ITGB4: variants seen among roughly 807,000 people sequenced by gnomAD.
ITGB4 encodes the protein integrin beta-4.
ITGB4 carries 159 observed loss-of-function variants against 207.6 expected under a neutral mutation model. The observed-to-expected ratio is 0.77, with a 90% CI of 0.67 to 0.87. ITGB4 has a LOEUF of 0.87. Ranked by LOEUF, ITGB4 falls within the 40% of genes least tolerant of loss-of-function variation. The probability of loss-of-function intolerance (pLI) is 0.00; values close to 1 mark genes in which losing one functional copy is unlikely to be tolerated. For missense variants in ITGB4, 2,278 were observed against 2,546.8 expected (o/e 0.89, Z 2.27); for synonymous variants, 1,020 against 1,062.7 (o/e 0.96, Z 0.78).
chr17:75,739,900 G>A lies in ITGB4; in HGVS notation c.2275G>A (p.Glu759Lys). The A allele has an allele frequency of 1.2e-6, 2 of 1,613,574 alleles. No individual in the cohort carries two copies. Among genetic ancestry groups the A allele is most frequent in the Non-Finnish European group, 1.7e-6 (2 of 1,180,028 alleles). ...TGCAGGTCACATGGTGGGCTTTAAG[G>A]AAGACCACTACATGCTGCGGGAGAA... ...CNRGHMVGFK[E>K]DHYMLRENLM... The change falls in exon 20 of 40, where the codon GAA becomes AAA. Residue 759 changes from glutamate to lysine, a missense_variant. Glu to Lys is a moderately conservative substitution (Grantham distance 56). Coordinates refer to ENST00000200181, the MANE Select transcript of ITGB4 (RefSeq NM_000213.5). This position sits in a 1 kb window ranked among gnomAD's most constrained non-coding sequence, Gnocchi z 5.4.
Position 75,741,150 on chromosome 17 carries a change from G to A in ITGB4, c.2633+145G>A, listed in dbSNP as rs1277775639. ...GTCCGTCAGGTTCGGACCTTCATTC[G>A]TTCCTTTGACCATTTCTTCAACAAA... On this transcript the variant is annotated intron_variant, in intron 23 of 39. Transcript: ENST00000200181. 15 of 910,942 alleles carry A rather than the reference G, an allele frequency of 1.6e-5. No homozygotes were observed. The East Asian group carries it at 3.2e-4, about 19-fold the overall frequency. The allele number at this position is 910,942 out of a possible 1,614,324, so 56.4% of individuals were successfully genotyped here. A position where few individuals can be genotyped will look rare whatever the true frequency, so the allele number is the denominator to read the frequency against.
intron 27 of ITGB4, among the ~76,000 whole-genome samples, chr17:75,749,851 T>A (rs2061325899): frequency 6.6e-6 from 1 of 152,168 alleles, no homozygotes; most frequent in South Asian, 2.1e-4. Flanking sequence ...GAATGTTCCC[T>A]GAGCTGCCAA....
In ITGB4 at chr17:75,754,793, C is replaced by T. The variant is rs779094910; in HGVS notation, c.4536C>T (p.Thr1512=). Residue 1512 remains threonine (T), a synonymous_variant, in exon 34 of 40, where the codon ACC becomes ACT. Transcript: ENST00000200181. ...HSTTLPRDYS[T]LTSVSSHDSR... is the part of the protein sequence containing the mutation. ...CCACACTGCCCAGGGACTACTCCAC[C>T]CTCACCTCCGTCTCCTCCCACGGTG... 2.5e-6 allele frequency: 4 copies of T among 1,614,044 alleles called. No homozygotes were observed. In the African/African-American group the frequency reaches 5.3e-5, roughly 22 times the overall value.
chr17:75,740,208 T>C lies in ITGB4; in HGVS notation c.2446+137T>C. The C allele has an allele frequency of 7.4e-6, 9 of 1,210,280 alleles. No homozygotes were observed. Among genetic ancestry groups the C allele is most frequent in the South Asian group, 6.6e-5 (5 of 75,244 alleles). 75.0% of individuals were successfully genotyped at this position (1,210,280 alleles called of 1,614,324 possible). On this transcript the variant is annotated intron_variant, in intron 20 of 39. Transcript: ENST00000200181. This position sits in a 1 kb window ranked among gnomAD's most constrained non-coding sequence, Gnocchi z 5.9. ...TCAGCCACCTTTTGCCCTGTGCTGA[T>C]GGTGCTATGAACCTCATGCCTCGGT...
At chr17:75,734,350 G>A (rs565365421) in intron 13 of ITGB4, among the ~76,000 whole-genome samples, 264 of 152,036 alleles carry the variant, frequency 1.7e-3, no homozygotes, top group African/African-American at 6.1e-3. Context: ...TGGCCAGGCT[G>A]GTCTCGAACT....
At chr17:75,748,611 A>G (rs1036009579) in intron 26 of ITGB4, among the ~76,000 whole-genome samples, 1 of 151,928 alleles carries the variant, frequency 6.6e-6, no homozygotes, top group Non-Finnish European at 1.5e-5. Flanking sequence ...TGGAGGTTGC[A>G]GTAAGCCGAG....
intron 26 of ITGB4, 88 bp downstream of exon 26, chr17:75,743,949 G>A: frequency 1.4e-6 from 2 of 1,402,514 alleles, no homozygotes; most frequent in Non-Finnish European, 1.9e-6. Context: ...GCACATGGCA[G>A]CTGCTTGAGT....
chr17:75,722,076 C>CGGCT lies in ITGB4; in HGVS notation c.-11+465_-11+468dup, dbSNP rs2060627143. 6.6e-6 allele frequency among the ~76,000 whole-genome samples: 1 copy of CGGCT among 152,218 alleles called. No homozygotes were observed. The highest frequency in any genetic ancestry group is 1.5e-5 in the Non-Finnish European group (1 of 68,028). ...CCACCCTGAGAGGCAGACGCCATCC[C>CGGCT]GGCTCCAGGCAGGGCTTGCTCTATG... On this transcript the variant is annotated intron_variant, in intron 1 of 39. Coordinates refer to ENST00000200181, the MANE Select transcript of ITGB4 (RefSeq NM_000213.5). The surrounding 1 kb of genome is among the most constrained non-coding windows in gnomAD (Gnocchi z 6.2).
At position 75,750,227 on chromosome 17, in the gene ITGB4, T is replaced by A; in HGVS notation, c.3433T>A (p.Phe1145Ile). 1 of 1,613,648 alleles carries A rather than the reference T, an allele frequency of 6.2e-7. No homozygotes were observed. Among genetic ancestry groups the A allele is most frequent in the Non-Finnish European group, 8.5e-7 (1 of 1,179,946 alleles). ...AKAAGSRKIH[F>I]NWLPPSGKPM... is the part of the protein sequence containing the mutation. ...GGCCGCTGGGTCCAGGAAGATCCAT[T>A]TCAACTGGCTGCCCCCTTCTGGCAA... The change falls in exon 28 of 40, where the codon TTC becomes ATC. Residue 1145 changes from phenylalanine to isoleucine, a missense_variant. Phe to Ile is a conservative substitution (Grantham distance 21, BLOSUM62 0). Coordinates refer to ENST00000200181, the MANE Select transcript of ITGB4 (RefSeq NM_000213.5). This position sits in a 1 kb window ranked among gnomAD's most constrained non-coding sequence, Gnocchi z 5.5.
In ITGB4 at chr17:75,722,721, A is replaced by AG. The variant is rs1489386029; in HGVS notation, c.-11+1113dup. ...GTCCCCAGGGGTTGGGATGGGGGCC[A>AG]GGGGAGCTCTGAGCCTGTGGGTGGG... On this transcript the variant is annotated intron_variant, in intron 1 of 39. Coordinates refer to ENST00000200181, the MANE Select transcript of ITGB4 (RefSeq NM_000213.5). This position sits in a 1 kb window ranked among gnomAD's most constrained non-coding sequence, Gnocchi z 6.2. 1.8e-4 allele frequency among the ~76,000 whole-genome samples: 26 copies of AG among 142,014 alleles called. No individual in the cohort carries two copies. Among genetic ancestry groups the AG allele is most frequent in the African/African-American group, 6.8e-4 (26 of 38,076 alleles). The allele number at this position is 142,014 out of a possible 152,430, so 93.2% of individuals were successfully genotyped here.
Position 75,731,249 on chromosome 17 carries a change from A to T in ITGB4, c.1096A>T (p.Ile366Phe). The change falls in exon 10 of 40, where the codon ATC becomes TTC. Residue 366 changes from isoleucine (I) to phenylalanine (F), a missense_variant. By Grantham distance (21) the Ile-to-Phe change is conservative (BLOSUM62 0). Coordinates refer to ENST00000200181, the MANE Select transcript of ITGB4 (RefSeq NM_000213.5). The surrounding 1 kb of genome is among the most constrained non-coding windows in gnomAD (Gnocchi z 6.8). Reference sequence around the variant, plus strand: ...ATCAACCTCCTTCCTCCTTTAGCGGATCCGCTCCAACCTGGACATCCGGGC... The same window carrying T: ...ATCAACCTCCTTCCTCCTTTAGCGGTTCCGCTCCAACCTGGACATCCGGGC... ...VELLEEAFNR[I>F]RSNLDIRALD... 2 of 1,613,296 alleles carry T rather than the reference A, an allele frequency of 1.2e-6. No homozygotes were observed. Among genetic ancestry groups the T allele is most frequent in the Non-Finnish European group, 1.7e-6 (2 of 1,180,008 alleles).
chr17:75,757,618 C>T lies in ITGB4; in HGVS notation c.*63C>T. 2.5e-6 allele frequency: 4 copies of T among 1,603,934 alleles called. No homozygotes were observed. The highest frequency in any genetic ancestry group is 3.3e-4 in the Middle Eastern group (2 of 5,984). ...GTCCTCCCGACTCCTCTCCCGGAGCCTCCTCAGCTACTCCATCCTTGCACC... is the reference window on the plus strand; with the variant it reads ...GTCCTCCCGACTCCTCTCCCGGAGCTTCCTCAGCTACTCCATCCTTGCACC... On this transcript the variant is annotated 3_prime_UTR_variant, in exon 40 of 40. Transcript: ENST00000200181.
chr17:75,727,158 C>T lies in ITGB4; in HGVS notation c.80-37C>T, dbSNP rs371650219. 1.9e-6 allele frequency: 3 copies of T among 1,588,152 alleles called. No individual in the cohort carries two copies. Among genetic ancestry groups the T allele is most frequent in the Non-Finnish European group, 2.6e-6 (3 of 1,158,482 alleles). ...TGGGAAAGTGCTTGCCTTTGCTGAG[C>T]GCCTCCCCATTCATGTGCCCACATC... On this transcript the variant is annotated intron_variant, in intron 2 of 39. Transcript: ENST00000200181. This position sits in a 1 kb window ranked among gnomAD's most constrained non-coding sequence, Gnocchi z 6.0.
intron 16 of ITGB4, among the ~76,000 whole-genome samples, chr17:75,737,030 C>A (rs1452460954): frequency 6.6e-6 from 1 of 152,132 alleles, no homozygotes; most frequent in Non-Finnish European, 1.5e-5. Context: ...ACGCAGCCTC[C>A]CCTCCTCGAG....
chr17:75,748,665 G>A (rs543373974), intron 26 of ITGB4, among the ~76,000 whole-genome samples, 176 bp from the exon 27 acceptor site: 16 of 150,564 alleles, frequency 1.1e-4, no homozygotes, highest in Admixed American at 6.0e-4. Flanking sequence ...GTGAGATTAC[G>A]CCTCAAAAAA....
rs2061056981 is a variant in ITGB4, at chr17:75,739,509, C to T, written c.2221-163C>T. Among the ~76,000 whole-genome samples, 1 of 152,040 alleles carries T rather than the reference C, an allele frequency of 6.6e-6. No homozygotes were observed. The highest frequency in any genetic ancestry group is 1.5e-5 in the Non-Finnish European group (1 of 68,002). The stretch of plus-strand genomic sequence containing the variant: ...CCTCTGCCCCCATCCCCCTCTATGC[C>T]CTTGTGTGCCATGCTTACACCCTGC... On this transcript the variant is annotated intron_variant, in intron 18 of 39. Transcript: ENST00000200181. The surrounding 1 kb of genome is among the most constrained non-coding windows in gnomAD (Gnocchi z 5.4).
At chr17:75,752,382 G>A (rs748864696) in intron 31 of ITGB4, 26 bp downstream of exon 31, 13 of 1,612,510 alleles carry the variant, frequency 8.1e-6, no homozygotes, top group Admixed American at 1.7e-5. Context: ...GGAGGTGAGG[G>A]GCAGACCGGG....
At position 75,754,736 on chromosome 17, in the gene ITGB4, C is replaced by T. The variant is rs2061447801; in HGVS notation, c.4479C>T (p.Asn1493=). The change falls in exon 34 of 40, where the codon AAC becomes AAT. Residue 1493 remains asparagine (N), a synonymous_variant. Transcript: ENST00000200181. ...CCTCCACCCTCACACGGGACTACAACTCACTGACCCGCTCAGAACACTCAC... is the reference window on the plus strand; with the variant it reads ...CCTCCACCCTCACACGGGACTACAATTCACTGACCCGCTCAGAACACTCAC... ...STSSTLTRDY[N]SLTRSEHSHS... 6.2e-7 allele frequency: 1 copy of T among 1,614,056 alleles called. No individual in the cohort carries two copies. The highest frequency in any genetic ancestry group is 2.2e-5 in the East Asian group (1 of 44,882).
chr17:75,750,809 C>G lies in ITGB4; in HGVS notation c.3604C>G (p.Gln1202Glu). The G allele has an allele frequency of 6.2e-7, 1 of 1,613,530 alleles. No individual in the cohort carries two copies. Among genetic ancestry groups the G allele is most frequent in the South Asian group, 1.1e-5 (1 of 91,084 alleles). ...GATGAAGGTGTGCGCCTACGGGGCT[C>G]AGGGCGAGGGACCCTACAGCTCCCT... ...YEMKVCAYGA[Q>E]GEGPYSSLVS... The change falls in exon 29 of 40, where the codon CAG (glutamine) becomes GAG (glutamate). Residue 1202 changes from glutamine to glutamate, a missense_variant. Gln to Glu is a conservative substitution (Grantham distance 29). Transcript: ENST00000200181. This position sits in a 1 kb window ranked among gnomAD's most constrained non-coding sequence, Gnocchi z 5.5.
Sources: gnomAD v4.1 joint callset for allele counts (sites outside exome capture counted in the v4.1 genomes callset) on GRCh38, gnomAD v4.1.1 for gene constraint, Gnocchi (gnomAD v3.1) non-coding constraint, MANE v1.5 for transcripts, NCBI Gene and HGNC (gene_info 2026-07-23, HGNC 2026-07-21) for gene names.